ADGRL2: variants seen among roughly 807,000 people sequenced by gnomAD.
ADGRL2 encodes adhesion G protein-coupled receptor L2.
A neutral mutation model predicts 157.4 loss-of-function variants in ADGRL2; 44 were observed. That is an observed-to-expected ratio of 0.28 (90% confidence interval 0.22 to 0.36). ADGRL2 has a LOEUF of 0.36. ADGRL2 is among the 10% of genes least tolerant of loss of function. The pLI, the probability that ADGRL2 is intolerant of heterozygous loss-of-function variation, is 1.00. For synonymous variants in ADGRL2, 585 were observed against 624.7 expected, an observed-to-expected ratio of 0.94 and a Z score of 0.95; for missense variants, 1,510 against 1,768.9, an observed-to-expected ratio of 0.85 and a Z score of 2.63.
chr1:81,334,199 C>T (rs1318812973), intron 1 of ADGRL2, among the ~76,000 whole-genome samples: 1 of 152,202 alleles, frequency 6.6e-6, no homozygotes, highest in African/African-American at 2.4e-5. Context: ...GGTTCTACCA[C>T]TTGCCAGCTG....
At chr1:81,775,949 T>C (rs767210819) in intron 2 of ADGRL2, among the ~76,000 whole-genome samples, 2 of 152,180 alleles carry the variant, frequency 1.3e-5, no homozygotes, top group African/African-American at 2.4e-5. Flanking sequence ...TGAAGTGATA[T>C]ACGAACTAAC....
chr1:81,953,074 G>A, intron 10 of ADGRL2, 49 bp downstream of exon 10: 1 of 1,477,838 alleles, frequency 6.8e-7, no homozygotes, highest in Non-Finnish European at 9.4e-7. Flanking sequence ...TCAGCTACCT[G>A]CCACGCTTTA....
intron 11 of ADGRL2, 91 bp downstream of exon 11, chr1:81,956,151 T>G (rs762022552): frequency 1.0e-4 from 93 of 903,424 alleles, no homozygotes; most frequent in Non-Finnish European, 1.4e-4. Context: ...TATTTCCCAG[T>G]GCTGTACTTC....
chr1:81,473,408 A>G (rs1342055053), intron 2 of ADGRL2, among the ~76,000 whole-genome samples: 1 of 152,226 alleles, frequency 6.6e-6, no homozygotes, highest in African/African-American at 2.4e-5. Flanking sequence ...CTGGATTTCA[A>G]TAATGTAGTG....
At chr1:81,351,320 A>G (rs1050994042) in intron 1 of ADGRL2, among the ~76,000 whole-genome samples, 7 of 152,172 alleles carry the variant, frequency 4.6e-5, no homozygotes, top group African/African-American at 1.7e-4. Flanking sequence ...CAAAAATTAA[A>G]AGCTTTAAGC....
At chr1:81,411,615 A>G (rs950190550) in intron 1 of ADGRL2, among the ~76,000 whole-genome samples, 7 of 152,212 alleles carry the variant, frequency 4.6e-5, no homozygotes, top group African/African-American at 1.7e-4. Flanking sequence ...AGAAAGGGCC[A>G]GGAGCGGTGG....
chr1:81,951,136 T>A lies in ADGRL2; in HGVS notation c.1608+15T>A, dbSNP rs1408884231. ...TGGCTCAGAAGGTTGGTTGGAACCT[T>A]TTAATATGACACATTGGTGATTTAG... On this transcript the variant is annotated intron_variant, in intron 8 of 23. Coordinates refer to ENST00000686636, the MANE Select transcript of ADGRL2 (RefSeq NM_001366006.2). The A allele has an allele frequency of 6.5e-7, 1 of 1,550,196 alleles. No individual in the cohort carries two copies. Among genetic ancestry groups the A allele is most frequent in the East Asian group, 2.2e-5 (1 of 44,520 alleles).
intron 2 of ADGRL2, among the ~76,000 whole-genome samples, chr1:81,549,454 C>A (rs1447288036): frequency 1.3e-5 from 2 of 152,158 alleles, no homozygotes; most frequent in Non-Finnish European, 2.9e-5. Flanking sequence ...TCTTCTGTAG[C>A]TTATCACCTG....
At chr1:81,931,595 T>G (rs542676997) in intron 3 of ADGRL2, among the ~76,000 whole-genome samples, 118 of 152,318 alleles carry the variant, frequency 7.7e-4, no homozygotes, top group Non-Finnish European at 1.3e-3. Flanking sequence ...AATTTGGGAC[T>G]GAGTGCTTAT....
intron 4 of ADGRL2, among the ~76,000 whole-genome samples, chr1:81,940,082 G>C (rs576204827): frequency 6.6e-6 from 1 of 151,398 alleles, no homozygotes; most frequent in African/African-American, 2.4e-5. Flanking sequence ...TGTAATTTTA[G>C]TTTATCAAAT....
rs7515591 is a variant in ADGRL2, at chr1:81,973,942, T to A, written c.3021+2024T>A. ...TGATACAGTGTGTGTGGGGAAAAAATATATATATATATCTTCCCTCTGGTG... is the reference window on the plus strand; with the variant it reads ...TGATACAGTGTGTGTGGGGAAAAAAAATATATATATATCTTCCCTCTGGTG... On this transcript the variant is annotated intron_variant, in intron 17 of 23. Coordinates refer to ENST00000686636, the MANE Select transcript of ADGRL2 (RefSeq NM_001366006.2). Among the ~76,000 whole-genome samples the A allele has an allele frequency of 6.2e-3, 934 of 150,940 alleles. 9 individuals are homozygous for A. Among genetic ancestry groups the A allele is most frequent in the African/African-American group, 0.021 (840 of 40,616 alleles).
chr1:81,497,956 C>T (rs879339939), intron 2 of ADGRL2, among the ~76,000 whole-genome samples: 14 of 152,100 alleles, frequency 9.2e-5, no homozygotes, highest in Non-Finnish European at 1.6e-4. Flanking sequence ...CCTGTAATCC[C>T]GGCACTTTGG....
chr1:81,870,447 G>A (rs1460568621), intron 2 of ADGRL2, among the ~76,000 whole-genome samples: 1 of 151,946 alleles, frequency 6.6e-6, no homozygotes, highest in Non-Finnish European at 1.5e-5. Flanking sequence ...AAATTGCAAG[G>A]ATCAATTTTA....
intron 3 of ADGRL2, among the ~76,000 whole-genome samples, chr1:81,603,185 T>C (rs898618730): frequency 6.6e-6 from 1 of 152,216 alleles, no homozygotes; most frequent in Non-Finnish European, 1.5e-5. Flanking sequence ...AAATATGTAG[T>C]TCCTGTCTCC....
At chr1:81,705,016 A>G (rs1251989951) in intron 1 of ADGRL2, among the ~76,000 whole-genome samples, 2 of 152,194 alleles carry the variant, frequency 1.3e-5, no homozygotes, top group Non-Finnish European at 2.9e-5. Flanking sequence ...GCACATAAAC[A>G]TGAACAAAAC....
intron 2 of ADGRL2, among the ~76,000 whole-genome samples, chr1:81,496,453 A>G (rs965980267): frequency 3.3e-5 from 5 of 152,256 alleles, no homozygotes; most frequent in South Asian, 4.1e-4. Context: ...TAACAGCCTG[A>G]ATTCACCTAG....
At chr1:81,962,026 C>T (rs914659645) in intron 11 of ADGRL2, among the ~76,000 whole-genome samples, 1 of 152,052 alleles carries the variant, frequency 6.6e-6, no homozygotes, top group Non-Finnish European at 1.5e-5. Context: ...GACATACATG[C>T]GCACATACCT....
intron 3 of ADGRL2, among the ~76,000 whole-genome samples, chr1:81,686,928 C>T (rs1473325774): frequency 6.6e-6 from 1 of 152,090 alleles, no homozygotes; most frequent in Non-Finnish European, 1.5e-5. Flanking sequence ...AATTTCCATG[C>T]ATTTGTGTGG....
intron 1 of ADGRL2, among the ~76,000 whole-genome samples, chr1:81,713,637 C>A (rs752185066): frequency 9.2e-5 from 14 of 152,066 alleles, no homozygotes; most frequent in South Asian, 2.1e-4. Context: ...GTGTATGTAC[C>A]CAGACATAAT....
Sources: allele counts gnomAD v4.1 joint callset (sites outside exome capture counted in the v4.1 genomes callset), GRCh38; gene constraint gnomAD v4.1.1; transcripts MANE v1.5; gene names NCBI Gene and HGNC (gene_info 2026-07-23, HGNC 2026-07-21).